Variants in SBF2 observed in about 807,000 individuals in gnomAD.
The protein encoded by SBF2 is SET binding factor 2, also known as myotubularin-related protein 13.
Under a neutral mutation model 225.2 loss-of-function variants are expected in SBF2, and 112 were observed. The observed-to-expected ratio is 0.50, with a 90% CI of 0.43 to 0.58. SBF2 has a LOEUF of 0.58. Ranked by LOEUF, SBF2 falls within the 20% of genes least tolerant of loss-of-function variation. SBF2 has a pLI of 0.00. For missense variants in SBF2, 1,996 were observed against 2,206.2 expected (o/e 0.90, Z 1.91); for synonymous variants, 763 against 773.3 (o/e 0.99, Z 0.22).
At chr11:10,063,448 C>G (rs1950520003) in intron 2 of SBF2, among the ~76,000 whole-genome samples, 1 of 151,316 alleles carries the variant, frequency 6.6e-6, no homozygotes, top group South Asian at 2.1e-4. Flanking sequence ...AGCCCTGCCT[C>G]CTAGGTTCAC....
chr11:9,882,846 T>C (rs1330406581), intron 17 of SBF2, among the ~76,000 whole-genome samples: 1 of 150,324 alleles, frequency 6.7e-6, no homozygotes, highest in Non-Finnish European at 1.5e-5. Flanking sequence ...CATTATCTTC[T>C]CTTGCACTAA....
intron 2 of SBF2, among the ~76,000 whole-genome samples, chr11:10,170,833 G>C (rs1591121535): frequency 6.6e-6 from 1 of 151,318 alleles, no homozygotes; most frequent in South Asian, 2.1e-4. Flanking sequence ...TTTTTCATCA[G>C]TGATTTATAA....
chr11:9,933,729 C>T (rs1280636596), intron 16 of SBF2, among the ~76,000 whole-genome samples: 1 of 152,064 alleles, frequency 6.6e-6, no homozygotes, highest in Non-Finnish European at 1.5e-5. Flanking sequence ...AATCAGCATC[C>T]TAACATCACA....
In SBF2 at chr11:10,193,914, C is replaced by T. The variant is rs761285505; in HGVS notation, c.129G>A (p.Gln43=). ...QKDWDDTPFP[Q]GIELFCQPGG... is the part of the protein sequence containing the mutation. Reference sequence around the variant, plus strand: ...AACAACCACTTACCAACTCAATTCCCTGTGGAAAAGGTGTATCATCCCAGT... The same window carrying T: ...AACAACCACTTACCAACTCAATTCCTTGTGGAAAAGGTGTATCATCCCAGT... The change falls in exon 2 of 40, where the codon CAG becomes CAA. Residue 43 remains glutamine (Q), a synonymous_variant. Transcript: ENST00000256190. 1.1e-4 allele frequency: 170 copies of T among 1,610,608 alleles called. No homozygotes were observed. Among genetic ancestry groups the T allele is most frequent in the Non-Finnish European group, 1.4e-4 (163 of 1,177,070 alleles).
chr11:9,809,081 G>GTCGTTT (rs1442348754), intron 30 of SBF2, 79 bp from the exon 31 acceptor site: 2 of 1,082,340 alleles, frequency 1.8e-6, no homozygotes, highest in East Asian at 4.8e-5. Context: ...TTTCAACCCT[G>GTCGTTT]GATAATCAAA....
At chr11:10,103,131 T>C (rs1315843565) in intron 2 of SBF2, among the ~76,000 whole-genome samples, 1 of 152,144 alleles carries the variant, frequency 6.6e-6, no homozygotes, top group Non-Finnish European at 1.5e-5. Context: ...TAAACGTTTT[T>C]CTTTTTAAAA....
intron 17 of SBF2, among the ~76,000 whole-genome samples, chr11:9,882,795 CAAAAAAAA>C (rs56699466): frequency 7.8e-5 from 7 of 90,058 alleles, no homozygotes; most frequent in Non-Finnish European, 7.2e-5. Flanking sequence ...GTGACAGAGT[CAAAAAAAA>C]AAAAAAAAAA....
At chr11:10,170,486 G>A (rs1268934010) in intron 2 of SBF2, among the ~76,000 whole-genome samples, 1 of 152,074 alleles carries the variant, frequency 6.6e-6, no homozygotes, top group Non-Finnish European at 1.5e-5. Flanking sequence ...ATTGGTTTGT[G>A]TGTCTGGTTT....
chr11:9,915,715 T>C (rs535807737), intron 16 of SBF2: 2 of 152,122 alleles, frequency 1.3e-5, no homozygotes, highest in African/African-American at 4.8e-5. Flanking sequence ...ATAAAATGTA[T>C]AAAAAACCAT....
intron 17 of SBF2, among the ~76,000 whole-genome samples, chr11:9,885,771 T>C (rs947751664): frequency 2.6e-5 from 4 of 152,196 alleles, no homozygotes; most frequent in Admixed American, 2.6e-4. Context: ...TTTTTAAATG[T>C]GTATGTCAGG....
intron 15 of SBF2, among the ~76,000 whole-genome samples, chr11:9,963,102 A>G (rs1866683035): frequency 6.6e-6 from 1 of 152,246 alleles, no homozygotes; most frequent in Admixed American, 6.5e-5. Context: ...TTTAAGTTCA[A>G]TACTACAGTT....
intron 16 of SBF2, among the ~76,000 whole-genome samples, chr11:9,920,918 A>T (rs1478783883): frequency 6.6e-6 from 1 of 151,792 alleles, no homozygotes; most frequent in Non-Finnish European, 1.5e-5. Flanking sequence ...TCCTACCCTT[A>T]ATTTTCCCAT....
At chr11:10,296,206 A>G (rs1373783663), upstream of SBF2, among the ~76,000 whole-genome samples, 1 of 152,218 alleles carries the variant, frequency 6.6e-6, no homozygotes, top group Non-Finnish European at 1.5e-5. Flanking sequence ...GGGCAGATAC[A>G]GTACAAGGTT....
chr11:9,880,759 T>C (rs966103870), intron 17 of SBF2, among the ~76,000 whole-genome samples: 2 of 152,258 alleles, frequency 1.3e-5, no homozygotes, highest in African/African-American at 4.8e-5. Flanking sequence ...AGACATTCTG[T>C]GATTTGATTT....
In SBF2 at chr11:9,812,621, G is replaced by A. The variant is rs891769037; in HGVS notation, c.4066C>T (p.Leu1356=). ...IRQVKASFKK[L]MRACIPSTIP... Reference sequence around the variant, plus strand: ...GTGCTTGGGATACAAGCCCTCATCAGCTTCTTAAAACTGGCTTTCACTTGC... The same window carrying A: ...GTGCTTGGGATACAAGCCCTCATCAACTTCTTAAAACTGGCTTTCACTTGC... Residue 1356 remains leucine (L), a synonymous_variant, in exon 30 of 40, where the codon CTG becomes TTG. Transcript: ENST00000256190. The A allele has an allele frequency of 1.9e-6, 3 of 1,614,056 alleles. No homozygotes were observed. The African/African-American group carries it at 4.0e-5, about 22-fold the overall frequency.
At position 9,832,497 on chromosome 11, in the gene SBF2, G is replaced by A. The variant is rs190144209; in HGVS notation, c.3456-77C>T. ...GAAGAAAAGGGGAAAGGAAATGAGA[G>A]AAGAGGGAGACAGAGAATATAAGAA... On this transcript the variant is annotated intron_variant, in intron 26 of 39. Transcript: ENST00000256190. 2.9e-4 allele frequency: 287 copies of A among 1,001,084 alleles called. 2 individuals carry two copies. In the African/African-American group the frequency reaches 3.9e-3, roughly 14 times the overall value. 62.0% of individuals were successfully genotyped at this position (1,001,084 alleles called of 1,614,324 possible).
rs193273957 is a variant in SBF2, at chr11:10,230,679, C to T, written c.56-36692G>A. ...CTTGTAGAGTTTCTGCTGAGAGATC[C>T]GCTGTTAGTCTGATGGGCTTCCCTT... On this transcript the variant is annotated intron_variant, in intron 1 of 39. Coordinates refer to ENST00000256190, the MANE Select transcript of SBF2 (RefSeq NM_030962.4). Among the ~76,000 whole-genome samples the T allele has an allele frequency of 1.4e-4, 21 of 152,260 alleles. No homozygotes were observed. In the South Asian group the frequency reaches 2.1e-3, roughly 15 times the overall value.
intron 2 of SBF2, among the ~76,000 whole-genome samples, chr11:10,154,287 T>A (rs889750221): frequency 6.6e-6 from 1 of 152,156 alleles, no homozygotes; most frequent in Non-Finnish European, 1.5e-5. Context: ...TGTTTGGAGA[T>A]TCTGGAAAGT....
intron 16 of SBF2, among the ~76,000 whole-genome samples, chr11:9,951,515 T>G (rs10500715): frequency 0.39 from 58,961 of 151,898 alleles, 12,076 homozygotes; most frequent in Admixed American, 0.46. Flanking sequence ...AGGGAGAATT[T>G]TAGACTGAGA....
Sources: allele counts gnomAD v4.1 joint callset (sites outside exome capture counted in the v4.1 genomes callset), GRCh38; gene constraint gnomAD v4.1.1; transcripts MANE v1.5; gene names NCBI Gene and HGNC (gene_info 2026-07-23, HGNC 2026-07-21).